The following ABCC4 variants were observed in gnomAD, a reference collection of about 807,000 sequenced individuals.
ABCC4 encodes ATP binding cassette subfamily C member 4 (PEL blood group).
In ABCC4, 102 loss-of-function variants were observed where a neutral mutation model predicts 168.5. That is an observed-to-expected ratio of 0.61 (90% CI 0.52 to 0.71). The LOEUF (loss-of-function observed/expected upper bound fraction) is 0.71, where lower values mean the gene tolerates loss of function less well. Ranked by LOEUF, ABCC4 falls within the 30% of genes least tolerant of loss-of-function variation. ABCC4 has a pLI of 0.00. For missense variants in ABCC4, 1,402 were observed against 1,605.8 expected (o/e 0.87, Z 2.17); for synonymous variants, 617 against 590.7 (o/e 1.04, Z -0.65).
Position 95,178,024 on chromosome 13 carries a change from C to T in ABCC4, c.1613G>A (p.Gly538Glu). The change falls in exon 12 of 31, where the codon GGG (glycine) becomes GAG (glutamate). Residue 538 changes from glycine (G) to glutamate (E), a missense_variant. This residue lies in a region of ABCC4 where 1,007 missense variants were observed against 1,127.3 expected (regional missense o/e 0.89). Transcript: ENST00000645237. ...IGDRGTTLSGGQKARVNLARA... is the reference protein window; with the variant it reads ...IGDRGTTLSGEQKARVNLARA... ...TGCAAGGTTTACCCGTGCTTTCTGCCCTCCACTCAGCGTGGTTCCCCGATC... is the reference window on the plus strand; with the variant it reads ...TGCAAGGTTTACCCGTGCTTTCTGCTCTCCACTCAGCGTGGTTCCCCGATC... 8 of 1,614,192 alleles carry T rather than the reference C, an allele frequency of 5.0e-6. No homozygotes were observed. Among genetic ancestry groups the T allele is most frequent in the Non-Finnish European group, 6.8e-6 (8 of 1,180,026 alleles).
intron 20 of ABCC4, chr13:95,096,212 G>A: frequency 1.6e-6 from 1 of 627,760 alleles, no homozygotes. Flanking sequence ...TATTCAATGG[G>A]CTGGCAGCAG....
chr13:95,234,823 T>A lies in ABCC4; in HGVS notation c.318A>T (p.Lys106Asn). ...GIFTLIEESA[K>N]VIQPIFLGKI... Reference sequence around the variant, plus strand: ...TTCCCAAAAATATGGGCTGGATTACTTTGGCACTTTCCTAAAAGAAGAAAA... The same window carrying A: ...TTCCCAAAAATATGGGCTGGATTACATTGGCACTTTCCTAAAAGAAGAAAA... Residue 106 changes from lysine (K) to asparagine (N), a missense_variant, in exon 4 of 31, where the codon AAA (lysine) becomes AAT (asparagine). Physicochemically the swap from Lys to Asn is moderately conservative, Grantham distance 94 (BLOSUM62 0). Coordinates refer to ENST00000645237, the MANE Select transcript of ABCC4 (RefSeq NM_005845.5). The A allele has an allele frequency of 6.4e-7, 1 of 1,551,980 alleles. No homozygotes were observed.
chr13:95,217,690 C>T lies in ABCC4; in HGVS notation c.532-6909G>A, dbSNP rs560726236. Among the ~76,000 whole-genome samples the T allele has an allele frequency of 7.5e-3, 501 of 66,998 alleles. 1 individual carries two copies. Among genetic ancestry groups the T allele is most frequent in the Non-Finnish European group, 0.018 (401 of 21,758 alleles). 44.0% of individuals were successfully genotyped at this position (66,998 alleles called of 152,430 possible). On this transcript the variant is annotated intron_variant, in intron 4 of 30. Coordinates refer to ENST00000645237, the MANE Select transcript of ABCC4 (RefSeq NM_005845.5). ...CAGGGGTTGCAGTGAGCCAAGATTGCGCCACTCCAGCCAGGGTGACAGTGA... is the reference window on the plus strand; with the variant it reads ...CAGGGGTTGCAGTGAGCCAAGATTGTGCCACTCCAGCCAGGGTGACAGTGA...
At chr13:95,120,315 C>T (rs2139422910) in intron 19 of ABCC4, among the ~76,000 whole-genome samples, 1 of 152,088 alleles carries the variant, frequency 6.6e-6, no homozygotes, top group African/African-American at 2.4e-5. Context: ...GCCTATAATC[C>T]CAGCACTTTG....
At chr13:95,180,392 A>G (rs1044998328) in intron 11 of ABCC4, among the ~76,000 whole-genome samples, 1 of 152,110 alleles carries the variant, frequency 6.6e-6, no homozygotes, top group Non-Finnish European at 1.5e-5. Flanking sequence ...CGTCTCTACT[A>G]AACATACAAA....
intron 29 of ABCC4, among the ~76,000 whole-genome samples, chr13:95,042,531 T>C (rs528178838): frequency 3.3e-5 from 5 of 152,224 alleles, no homozygotes; most frequent in Admixed American, 2.0e-4. Flanking sequence ...CAACTGTAAA[T>C]TGCTTTGTAG....
At chr13:95,204,567 C>T (rs190457401) in intron 8 of ABCC4, among the ~76,000 whole-genome samples, 185 of 152,298 alleles carry the variant, frequency 1.2e-3, no homozygotes, top group African/African-American at 4.3e-3. Flanking sequence ...GCCTGCTTCC[C>T]CTTCCGCCAT....
chr13:95,256,586 T>C (rs1340472907), intron 1 of ABCC4, among the ~76,000 whole-genome samples: 4 of 151,956 alleles, frequency 2.6e-5, no homozygotes, highest in Non-Finnish European at 5.9e-5. Context: ...CAAAACCCTG[T>C]CTCGACAAAA....
chr13:95,123,351 C>T (rs369119749), intron 19 of ABCC4, among the ~76,000 whole-genome samples: 2 of 152,088 alleles, frequency 1.3e-5, no homozygotes, highest in Non-Finnish European at 2.9e-5. Flanking sequence ...TGTTTGATGT[C>T]GCTCTGGAGT....
chr13:95,298,132 T>C (rs2041582088), intron 1 of ABCC4, among the ~76,000 whole-genome samples: 1 of 151,866 alleles, frequency 6.6e-6, no homozygotes, highest in African/African-American at 2.4e-5. Flanking sequence ...CTACCAAAAA[T>C]ACAAAAATTA....
chr13:95,062,680 G>A (rs1462270154), intron 26 of ABCC4, 24 bp downstream of exon 26: 2 of 1,606,464 alleles, frequency 1.2e-6, no homozygotes, highest in Non-Finnish European at 1.7e-6. Flanking sequence ...AAAGGGGCAG[G>A]TAAGGACGCT....
chr13:95,123,359 A>G (rs1362116340), intron 19 of ABCC4, among the ~76,000 whole-genome samples: 1 of 151,904 alleles, frequency 6.6e-6, no homozygotes, highest in Non-Finnish European at 1.5e-5. Context: ...GTCGCTCTGG[A>G]GTGTTTTTTG....
intron 1 of ABCC4, among the ~76,000 whole-genome samples, chr13:95,250,544 A>T (rs2040227128): frequency 1.3e-5 from 2 of 152,166 alleles, no homozygotes; most frequent in Admixed American, 6.5e-5. Context: ...AATATAGCAT[A>T]GTCGTGCTCA....
rs2035867538 is a variant in ABCC4, at chr13:95,128,774, A to G, written c.2456-12773T>C. On this transcript the variant is annotated intron_variant, in intron 19 of 30. Coordinates refer to ENST00000645237, the MANE Select transcript of ABCC4 (RefSeq NM_005845.5). ...TCAACATTTTTGGTTCCCTGAACCT[A>G]CCTTATCAACTTGGTTCCTTTAAAT... is the stretch of plus-strand genomic sequence containing the variant. Among the ~76,000 whole-genome samples the G allele has an allele frequency of 2.6e-5, 4 of 152,208 alleles. No homozygotes were observed. The South Asian group carries it at 8.3e-4, about 31-fold the overall frequency.
chr13:95,090,675 G>A (rs1202787458), intron 20 of ABCC4, among the ~76,000 whole-genome samples: 1 of 152,078 alleles, frequency 6.6e-6, no homozygotes, highest in Non-Finnish European at 1.5e-5. Context: ...ACCCAAATGA[G>A]AAAAGGAACT....
At chr13:95,264,928 G>C (rs9516553) in intron 1 of ABCC4, among the ~76,000 whole-genome samples, 52,499 of 146,890 alleles carry the variant, frequency 0.36, 11,492 homozygotes, top group Non-Finnish European at 0.49. Context: ...GAGTGAAGTG[G>C]TGTGATCTCA....
chr13:95,058,319 A>G (rs1201980300), intron 26 of ABCC4, among the ~76,000 whole-genome samples: 2 of 151,860 alleles, frequency 1.3e-5, no homozygotes. Flanking sequence ...AGAAAAACAA[A>G]CAGTACTTTG....
intron 1 of ABCC4, among the ~76,000 whole-genome samples, chr13:95,273,816 G>GGTTT (rs1555340101): frequency 4.1e-5 from 4 of 98,650 alleles, no homozygotes; most frequent in Non-Finnish European, 4.3e-5. Context: ...TTTTTGGTTT[G>GGTTT]TTTTTTTTTT....
intron 21 of ABCC4, among the ~76,000 whole-genome samples, chr13:95,081,844 T>C (rs916648048): frequency 1.1e-4 from 16 of 151,888 alleles, no homozygotes; most frequent in African/African-American, 3.6e-4. Flanking sequence ...CTACTAATAA[T>C]ATGAAAATAG....
Sources: allele counts gnomAD v4.1 joint callset (sites outside exome capture counted in the v4.1 genomes callset), GRCh38; gene constraint gnomAD v4.1.1; regional missense constraint gnomAD v4.1.1; transcripts MANE v1.5; gene names NCBI Gene and HGNC (gene_info 2026-07-23, HGNC 2026-07-21).